The following RXFP1 variants were observed in gnomAD, a reference collection of about 807,000 sequenced individuals.
RXFP1 encodes the protein relaxin receptor 1.
RXFP1 carries 73 observed loss-of-function variants against 89.8 expected under a neutral mutation model. The ratio of observed to expected loss-of-function variants is 0.81; its 90% CI spans 0.67 to 0.99. The LOEUF (loss-of-function observed/expected upper bound fraction) is 0.99, where lower values mean the gene tolerates loss of function less well. RXFP1 is among the 50% of genes least tolerant of loss of function. The probability of loss-of-function intolerance (pLI) is 0.00; values close to 1 mark genes in which losing one functional copy is unlikely to be tolerated. For synonymous variants in RXFP1, 277 were observed against 305.5 expected, an observed-to-expected ratio of 0.91 and a Z score of 0.97; for missense variants, 793 against 895.5, an observed-to-expected ratio of 0.89 and a Z score of 1.46.
At chr4:158,595,259 A>T (rs1382597766) in intron 3 of RXFP1, among the ~76,000 whole-genome samples, 6 of 152,226 alleles carry the variant, frequency 3.9e-5, no homozygotes, top group Non-Finnish European at 8.8e-5. Flanking sequence ...TTATCTGGGC[A>T]GCTTTGAATG....
rs748599530 is a variant in RXFP1 at position 158,626,626 on chromosome 4, CAT to C, written c.756-192_756-191del. Among the ~76,000 whole-genome samples, 51 of 151,792 alleles carry C rather than the reference CAT, an allele frequency of 3.4e-4. 1 individual carries two copies. The Middle Eastern group carries it at 0.031, about 91-fold the overall frequency. On this transcript the variant is annotated intron_variant, in intron 9 of 17. Transcript: ENST00000307765. ...GGACGCAAAACATTTTTACCTTTAA[CAT>C]AGAAAAAAGTGTATAATATAGATAT...
intron 8 of RXFP1, among the ~76,000 whole-genome samples, chr4:158,612,862 G>T (rs1199426958): frequency 6.6e-6 from 1 of 152,056 alleles, no homozygotes; most frequent in Non-Finnish European, 1.5e-5. Context: ...ACCCATCTTG[G>T]CCTCCCAAAG....
chr4:158,579,828 T>C (rs1208414825), intron 2 of RXFP1, among the ~76,000 whole-genome samples: 1 of 152,240 alleles, frequency 6.6e-6, no homozygotes, highest in Non-Finnish European at 1.5e-5. Flanking sequence ...TTTGCTTCAC[T>C]GTTCACTTGC....
chr4:158,652,109 G>A lies in RXFP1; in HGVS notation c.*54G>A, dbSNP rs1772863447. 15 of 1,408,338 alleles carry A rather than the reference G, an allele frequency of 1.1e-5. No individual in the cohort carries two copies. The South Asian group carries it at 1.8e-4, about 17-fold the overall frequency. The allele number at this position is 1,408,338 out of a possible 1,614,324, so 87.2% of individuals were successfully genotyped here. ...GAATACTGTGGGGGTGCTTCATGAG[G>A]GATTTACTGGTATGAAATGAATACC... On this transcript the variant is annotated 3_prime_UTR_variant, in exon 18 of 18. Coordinates refer to ENST00000307765, the MANE Select transcript of RXFP1 (RefSeq NM_021634.4).
intron 2 of RXFP1, among the ~76,000 whole-genome samples, chr4:158,583,882 C>A (rs573779249): frequency 6.6e-6 from 1 of 152,276 alleles, no homozygotes; most frequent in East Asian, 1.9e-4. Flanking sequence ...ACAGTTGCCT[C>A]CAAAAGGTAT....
rs1055898687 is a variant in RXFP1, at chr4:158,592,291, C to T, written c.188-1110C>T. ...TTTTCTTTCTTTCTTAAAAGTTAAT[C>T]GGCCAGGCATGGTGGCTTACACCTG... On this transcript the variant is annotated intron_variant, in intron 2 of 17. Coordinates refer to ENST00000307765, the MANE Select transcript of RXFP1 (RefSeq NM_021634.4). Among the ~76,000 whole-genome samples the T allele has an allele frequency of 3.9e-5, 6 of 152,130 alleles. 1 individual carries two copies. Among genetic ancestry groups the T allele is most frequent in the Admixed American group, 2.0e-4 (3 of 15,260 alleles).
At chr4:158,606,766 T>TAG (rs1762610853) in intron 5 of RXFP1, among the ~76,000 whole-genome samples, 1 of 151,300 alleles carries the variant, frequency 6.6e-6, no homozygotes, top group Non-Finnish European at 1.5e-5. Flanking sequence ...TTTTTTTTTT[T>TAG]AGAGAGATAG....
rs1760572146 is a variant in RXFP1, at chr4:158,596,265, A to AC, written c.286+2766_286+2767insC. On this transcript the variant is annotated intron_variant, in intron 3 of 17. Transcript: ENST00000307765. ...TATATTGTTTTCTTTTTATTTCTTA[A>AC]TTTTTTTTTTTTTTTGAGATGGAAT... 2.9e-5 allele frequency among the ~76,000 whole-genome samples: 4 copies of AC among 140,056 alleles called. No homozygotes were observed. The Admixed American group carries it at 2.9e-4, about 10-fold the overall frequency. The allele number at this position is 140,056 out of a possible 152,430, so 91.9% of individuals were successfully genotyped here. A position where few individuals can be genotyped will look rare whatever the true frequency, so the allele number is the denominator to read the frequency against.
At chr4:158,622,910 G>A (rs1414848109) in intron 9 of RXFP1, among the ~76,000 whole-genome samples, 2 of 152,144 alleles carry the variant, frequency 1.3e-5, no homozygotes, top group Non-Finnish European at 2.9e-5. Flanking sequence ...TAATTTGCTT[G>A]GTTGTAGTAA....
intron 8 of RXFP1, among the ~76,000 whole-genome samples, chr4:158,616,737 G>A (rs551201633): frequency 2.7e-5 from 4 of 150,782 alleles, no homozygotes; most frequent in Non-Finnish European, 4.4e-5. Flanking sequence ...GGTGGCTCAC[G>A]CCTGCAATCC....
At chr4:158,532,583 A>G (rs1744320138) in intron 1 of RXFP1, among the ~76,000 whole-genome samples, 3 of 152,284 alleles carry the variant, frequency 2.0e-5, no homozygotes, top group Non-Finnish European at 4.4e-5. Flanking sequence ...TCACTTTGCC[A>G]GCTACTCATG....
intron 17 of RXFP1, among the ~76,000 whole-genome samples, chr4:158,651,309 TG>T (rs1369451996): frequency 1.3e-5 from 2 of 152,158 alleles, no homozygotes; most frequent in Admixed American, 1.3e-4. Context: ...TAAAATCAAA[TG>T]GCAAAAAAGA....
Position 158,639,319 on chromosome 4 carries a change from A to ATC in RXFP1, c.1110_1111dup (p.His371LeufsTer30). The stretch of plus-strand genomic sequence containing the variant: ...CAAAGGATGTTTAGACCTCTTATGA[A>ATC]TCTCTCTCACATGTAAGTAGATATT... On this transcript the variant is annotated frameshift_variant, in exon 14 of 18. Transcript: ENST00000307765. LOFTEE classifies it high-confidence loss of function. 1.3e-6 allele frequency: 2 copies of ATC among 1,530,056 alleles called. No individual in the cohort carries two copies. The highest frequency in any genetic ancestry group is 1.8e-6 in the Non-Finnish European group (2 of 1,103,568). 94.8% of individuals were successfully genotyped at this position (1,530,056 alleles called of 1,614,324 possible). A position where few individuals can be genotyped will look rare whatever the true frequency, so the allele number is the denominator to read the frequency against.
chr4:158,521,991 T>A lies in RXFP1; in HGVS notation c.15T>A (p.Ser5=). MTSG[S]VFFYILIFGK... is the part of the protein sequence containing the mutation. ...GATAGAAGGAAATGACATCTGGTTCTGTCTTCTTCTACATCTTAATTTTTG... is the reference window on the plus strand; with the variant it reads ...GATAGAAGGAAATGACATCTGGTTCAGTCTTCTTCTACATCTTAATTTTTG... The change falls in exon 1 of 18, where the codon TCT becomes TCA. Residue 5 remains serine (S), a synonymous_variant. Transcript: ENST00000307765. 2 of 1,609,078 alleles carry A rather than the reference T, an allele frequency of 1.2e-6. No individual in the cohort carries two copies. The highest frequency in any genetic ancestry group is 1.7e-6 in the Non-Finnish European group (2 of 1,176,238).
At chr4:158,583,014 G>C (rs147351074) in intron 2 of RXFP1, among the ~76,000 whole-genome samples, 46 of 152,228 alleles carry the variant, frequency 3.0e-4, no homozygotes, top group African/African-American at 1.0e-3. Context: ...TCCCTTTCAG[G>C]CAATGAAAGT....
At chr4:158,556,278 C>G (rs193038427) in intron 1 of RXFP1, among the ~76,000 whole-genome samples, 3 of 148,768 alleles carry the variant, frequency 2.0e-5, no homozygotes, top group Non-Finnish European at 4.5e-5. Context: ...GGATGTTTCT[C>G]AAAGAAAGAC....
rs70962613 is a variant in RXFP1, at chr4:158,529,244, T to TTTGTTGTTGTTG, written c.49+7237_49+7248dup. On this transcript the variant is annotated intron_variant, in intron 1 of 17. Transcript: ENST00000307765. ...GATCTCTTTTTTTGCTTGCTTGTTT[T>TTTGTTGTTGTTG]TTGTTGTTGTTGTTGTTGTTGTTGT... 2.3e-3 allele frequency among the ~76,000 whole-genome samples: 252 copies of TTTGTTGTTGTTG among 110,050 alleles called. 1 individual carries two copies. The highest frequency in any genetic ancestry group is 9.2e-3 in the African/African-American group (245 of 26,584). The allele number at this position is 110,050 out of a possible 152,430, so 72.2% of individuals were successfully genotyped here. A position where few individuals can be genotyped will look rare whatever the true frequency, so the allele number is the denominator to read the frequency against.
At chr4:158,589,201 C>T (rs746911183) in intron 2 of RXFP1, among the ~76,000 whole-genome samples, 5 of 152,142 alleles carry the variant, frequency 3.3e-5, no homozygotes, top group Non-Finnish European at 5.9e-5. Context: ...TGGGGGAACA[C>T]GCCCCCATGA....
intron 1 of RXFP1, among the ~76,000 whole-genome samples, chr4:158,550,715 G>A (rs768538514): frequency 2.0e-4 from 30 of 152,206 alleles, no homozygotes; most frequent in Non-Finnish European, 3.4e-4. Context: ...GGGCTCATAA[G>A]CTAGTCTATA....
Sources: allele counts gnomAD v4.1 joint callset (sites outside exome capture counted in the v4.1 genomes callset), GRCh38; gene constraint gnomAD v4.1.1; transcripts MANE v1.5; gene names NCBI Gene and HGNC (gene_info 2026-07-23, HGNC 2026-07-21).